The following GPRIN3 variants were observed in gnomAD, a reference collection of about 807,000 sequenced individuals.
GPRIN3 encodes the protein G protein-regulated inducer of neurite outgrowth 3.
GPRIN3 carries 12 observed loss-of-function variants against 13.7 expected under a neutral mutation model. The observed-to-expected ratio is 0.87, with a 90% CI of 0.56 to 1.42. The LOEUF (loss-of-function observed/expected upper bound fraction) is 1.42. Among genes scored for constraint, GPRIN3 ranks in the 40% most tolerant of loss-of-function variants. GPRIN3 has a pLI of 0.00. For synonymous variants in GPRIN3, 377 were observed against 372.7 expected (o/e 1.01, Z -0.13); for missense variants, 1,009 against 958.7 (o/e 1.05, Z -0.69).
intron 1 of GPRIN3, among the ~76,000 whole-genome samples, chr4:89,306,479 C>A (rs1725036325): frequency 6.6e-6 from 1 of 152,202 alleles, no homozygotes; most frequent in African/African-American, 2.4e-5. Flanking sequence ...TCAGTTTCTT[C>A]TAGTCCCACC....
intron 1 of GPRIN3, among the ~76,000 whole-genome samples, chr4:89,277,318 G>A (rs574008977): frequency 2.0e-5 from 3 of 152,320 alleles, no homozygotes; most frequent in Admixed American, 2.0e-4. Flanking sequence ...GTGATGTGCA[G>A]GAGTGGAATG....
At chr4:89,277,929 C>T (rs1166826947) in intron 1 of GPRIN3, among the ~76,000 whole-genome samples, 1 of 152,186 alleles carries the variant, frequency 6.6e-6, no homozygotes, top group Admixed American at 6.5e-5. Flanking sequence ...TCCTGCTCCT[C>T]AGCTCAGATC....
intron 1 of GPRIN3, among the ~76,000 whole-genome samples, chr4:89,279,671 C>G (rs1724191147): frequency 6.6e-6 from 1 of 152,226 alleles, no homozygotes; most frequent in African/African-American, 2.4e-5. Flanking sequence ...TCTTTGTTGC[C>G]TTCTCTGCAG....
rs192271303 is a variant in GPRIN3 at position 89,254,826 on chromosome 4, C to T, written c.-123-4593G>A. The stretch of plus-strand genomic sequence containing the variant: ...CAATGTTTTCCACAATGATGGAACT[C>T]TTTCCCTTTTTCCTTCCCTTTCTTT... On this transcript the variant is annotated intron_variant, in intron 1 of 1. Coordinates refer to ENST00000609438, the MANE Select transcript of GPRIN3 (RefSeq NM_198281.3). 6.0e-4 allele frequency among the ~76,000 whole-genome samples: 92 copies of T among 152,260 alleles called. 3 individuals carry two copies. In the East Asian group the frequency reaches 0.017, roughly 28 times the overall value.
intron 1 of GPRIN3, among the ~76,000 whole-genome samples, chr4:89,270,587 AT>A (rs1321989495): frequency 2.0e-4 from 26 of 127,954 alleles, no homozygotes; most frequent in African/African-American, 5.6e-4. Context: ...ATATATATAT[AT>A]ATATATATAT....
intron 1 of GPRIN3, among the ~76,000 whole-genome samples, chr4:89,270,600 T>TATAA (rs1328112008): frequency 3.3e-4 from 40 of 120,572 alleles, no homozygotes; most frequent in African/African-American, 1.2e-3. Context: ...TATATATATA[T>TATAA]AAAATATAGA....
Position 89,295,321 on chromosome 4 carries a change from G to C in GPRIN3, c.-124+12294C>G, listed in dbSNP as rs1313440146. Among the ~76,000 whole-genome samples, 4 of 152,244 alleles carry C rather than the reference G, an allele frequency of 2.6e-5. No homozygotes were observed. In the East Asian group the frequency reaches 7.7e-4, roughly 29 times the overall value. On this transcript the variant is annotated intron_variant, in intron 1 of 1. Transcript: ENST00000609438. ...CATTGAATATCTCTTATTTGTCCAA[G>C]ATCTACAAAGACAAGATGATGGCAG...
At chr4:89,259,872 C>T (rs905349307) in intron 1 of GPRIN3, among the ~76,000 whole-genome samples, 1 of 152,330 alleles carries the variant, frequency 6.6e-6, no homozygotes, top group Admixed American at 6.5e-5. Context: ...TAGCTCACAT[C>T]AGACACCACC....
intron 1 of GPRIN3, among the ~76,000 whole-genome samples, chr4:89,294,077 C>T (rs372644952): frequency 2.6e-5 from 4 of 152,082 alleles, no homozygotes; most frequent in Admixed American, 6.5e-5. Context: ...ACTGGTAAGC[C>T]GAGGAATTGG....
chr4:89,299,489 A>G (rs1031448999), intron 1 of GPRIN3, among the ~76,000 whole-genome samples: 1 of 152,146 alleles, frequency 6.6e-6, no homozygotes, highest in African/African-American at 2.4e-5. Context: ...GATCTGTCTG[A>G]GTTTTCCATC....
At chr4:89,297,795 A>G (rs941912772) in intron 1 of GPRIN3, among the ~76,000 whole-genome samples, 6 of 152,186 alleles carry the variant, frequency 3.9e-5, no homozygotes, top group Non-Finnish European at 7.3e-5. Context: ...TGGAATGGGT[A>G]CATTCCCCAA....
chr4:89,302,346 A>G (rs1724922031), intron 1 of GPRIN3, among the ~76,000 whole-genome samples: 2 of 152,226 alleles, frequency 1.3e-5, no homozygotes, highest in South Asian at 4.1e-4. Flanking sequence ...AGAAACAGTT[A>G]TTAACTTCCT....
chr4:89,257,319 C>T (rs1450968905), intron 1 of GPRIN3, among the ~76,000 whole-genome samples: 1 of 152,044 alleles, frequency 6.6e-6, no homozygotes, highest in East Asian at 1.9e-4. Context: ...TACTGAATTC[C>T]ACTGTAAGCA....
chr4:89,260,995 G>T lies in GPRIN3; in HGVS notation c.-123-10762C>A, dbSNP rs1407463087. Among the ~76,000 whole-genome samples the T allele has an allele frequency of 4.6e-5, 7 of 152,156 alleles. No homozygotes were observed. The East Asian group carries it at 1.3e-3, about 29-fold the overall frequency. On this transcript the variant is annotated intron_variant, in intron 1 of 1. Coordinates refer to ENST00000609438, the MANE Select transcript of GPRIN3 (RefSeq NM_198281.3). ...CTGCATTAAACAGAATTAAAGTGTT[G>T]TAAAAGAAACAAAACACAACCCCCG... is the stretch of plus-strand genomic sequence containing the variant.
intron 1 of GPRIN3, among the ~76,000 whole-genome samples, chr4:89,271,058 C>T (rs1365345394): frequency 1.3e-5 from 2 of 152,090 alleles, no homozygotes; most frequent in East Asian, 1.9e-4. Context: ...GAAGAGTATA[C>T]ACCCCAGAGG....
At chr4:89,256,503 C>T (rs1207095972) in intron 1 of GPRIN3, among the ~76,000 whole-genome samples, 1 of 152,150 alleles carries the variant, frequency 6.6e-6, no homozygotes, top group African/African-American at 2.4e-5. Flanking sequence ...TGACTTCCCC[C>T]AAAGCCACGC....
chr4:89,297,783 A>G (rs2110022965), intron 1 of GPRIN3, among the ~76,000 whole-genome samples: 1 of 152,326 alleles, frequency 6.6e-6, no homozygotes, highest in African/African-American at 2.4e-5. Flanking sequence ...TTACAGTCCC[A>G]TTGGAATGGG....
intron 1 of GPRIN3, 68 bp from the exon 2 acceptor site, chr4:89,250,301 G>T: frequency 8.4e-7 from 1 of 1,187,006 alleles, no homozygotes; most frequent in Non-Finnish European, 1.1e-6. Flanking sequence ...AAACCAAACT[G>T]TCGTTTTTAT....
Position 89,247,545 on chromosome 4 carries a change from G to T in GPRIN3, c.*235C>A. ...GTATTATTTTCAATTTGTTAAGGTT[G>T]CAAACCTTCAGTGAAGCTTGTTTCT... On this transcript the variant is annotated 3_prime_UTR_variant, in exon 2 of 2. Coordinates refer to ENST00000609438, the MANE Select transcript of GPRIN3 (RefSeq NM_198281.3). The T allele has an allele frequency of 2.2e-6, 1 of 458,394 alleles. No individual in the cohort carries two copies. The highest frequency in any genetic ancestry group is 3.8e-6 in the Non-Finnish European group (1 of 260,018). 28.4% of individuals were successfully genotyped at this position (458,394 alleles called of 1,614,324 possible).
Sources: allele counts gnomAD v4.1 joint callset (sites outside exome capture counted in the v4.1 genomes callset), GRCh38; gene constraint gnomAD v4.1.1; transcripts MANE v1.5; gene names NCBI Gene and HGNC (gene_info 2026-07-23, HGNC 2026-07-21).